The following PLEKHN1 variants were observed in gnomAD, a reference collection of about 807,000 sequenced individuals.
The protein encoded by PLEKHN1 is pleckstrin homology domain-containing family N member 1.
In PLEKHN1, 68 loss-of-function variants were observed where a neutral mutation model predicts 72.8. That is an observed-to-expected ratio of 0.93 (90% CI 0.77 to 1.14). The LOEUF (loss-of-function observed/expected upper bound fraction) is 1.14, where lower values mean the gene tolerates loss of function less well. Among genes scored for constraint, PLEKHN1 ranks in the 50% most tolerant of loss-of-function variants. PLEKHN1 has a pLI of 0.00. For missense variants in PLEKHN1, 1,015 were observed against 840.5 expected (o/e 1.21, Z -2.57); for synonymous variants, 454 against 371.6 (o/e 1.22, Z -2.55).
chr1:971,114 G>T lies in PLEKHN1; in HGVS notation c.614G>T (p.Arg205Leu). 6.3e-7 allele frequency: 1 copy of T among 1,595,474 alleles called. No individual in the cohort carries two copies. ...PRRCHSAPPQ[R>L]RLTRLRTASG... ...GACGAACTCCCCTGGACTTTGCAGCGCCGTCTAACCCGGCTGCGGACGGCG... is the reference window on the plus strand; with the variant it reads ...GACGAACTCCCCTGGACTTTGCAGCTCCGTCTAACCCGGCTGCGGACGGCG... Residue 205 changes from arginine to leucine, a missense_variant and splice_region_variant, in exon 7 of 16, where the codon CGC (arginine) becomes CTC (leucine). By Grantham distance (102) the Arg-to-Leu change is moderately radical (BLOSUM62 -2). Coordinates refer to ENST00000379410, the MANE Select transcript of PLEKHN1 (RefSeq NM_032129.3).
Position 970,602 on chromosome 1 carries a change from G to A in PLEKHN1, c.411+1G>A. ...CGGCTCGGAAGGACTCACATTTCAGGTGAGGCGGTGGGCAATGGGGTGGGG... is the reference window on the plus strand; with the variant it reads ...CGGCTCGGAAGGACTCACATTTCAGATGAGGCGGTGGGCAATGGGGTGGGG... On this transcript the variant is annotated splice_donor_variant, in intron 4 of 15. Transcript: ENST00000379410. LOFTEE classifies it high-confidence loss of function. This position sits in a 1 kb window ranked among gnomAD's most constrained non-coding sequence, Gnocchi z 4.2. 2 of 1,612,206 alleles carry A rather than the reference G, an allele frequency of 1.2e-6. No homozygotes were observed. The highest frequency in any genetic ancestry group is 1.7e-6 in the Non-Finnish European group (2 of 1,179,610).
intron 10 of PLEKHN1, 122 bp from the exon 11 acceptor site, chr1:972,739 C>T: frequency 2.4e-6 from 3 of 1,275,164 alleles, no homozygotes; most frequent in Non-Finnish European, 3.1e-6. Context: ...GTACTGCAGC[C>T]TGGGCGACAG....
In PLEKHN1 at chr1:972,472, AAG is replaced by A. The variant is rs1643390403; in HGVS notation, c.1002+49_1002+50del. 3 of 1,504,452 alleles carry A rather than the reference AAG, an allele frequency of 2.0e-6. No individual in the cohort carries two copies. The African/African-American group carries it at 4.2e-5, about 21-fold the overall frequency. 93.2% of individuals were successfully genotyped at this position (1,504,452 alleles called of 1,614,324 possible). ...AGCCCAGGTCCTGGGCAGTGGTAAA[AAG>A]GGGGCAGCAGACCGGGCGTGGTGGC... On this transcript the variant is annotated intron_variant, in intron 10 of 15. Coordinates refer to ENST00000379410, the MANE Select transcript of PLEKHN1 (RefSeq NM_032129.3).
chr1:966,543 C>A lies in PLEKHN1; in HGVS notation c.12C>A (p.Ser4Arg), dbSNP rs149741186. The A allele has an allele frequency of 2.3e-3, 3,652 of 1,608,304 alleles. 50 individuals carry two copies. In the African/African-American group the frequency reaches 0.036, roughly 16 times the overall value. The stretch of plus-strand genomic sequence containing the variant: ...GTACGACTCTGGCCATGGGGAACAG[C>A]CACTGTGTCCCTCAGGCCCCCAGGA... MGN[S>R]HCVPQAPRRL... Residue 4 changes from serine to arginine, a missense_variant, in exon 1 of 16, where the codon AGC becomes AGA. Transcript: ENST00000379410.
rs1401554526 is a variant in PLEKHN1 at position 970,351 on chromosome 1, G to C, written c.258G>C (p.Arg86=). ...PFLSVFKKGR[R]RVPVRNLGKV... Reference sequence around the variant, plus strand: ...TGAGTGTGTTCAAGAAGGGGCGGCGGAGGGTGCCTGTGAGGAACCTGGGAA... The same window carrying C: ...TGAGTGTGTTCAAGAAGGGGCGGCGCAGGGTGCCTGTGAGGAACCTGGGAA... Residue 86 remains arginine (R), a synonymous_variant, in exon 3 of 16, where the codon CGG becomes CGC. Transcript: ENST00000379410. The surrounding 1 kb of genome is among the most constrained non-coding windows in gnomAD (Gnocchi z 4.2). 6.2e-7 allele frequency: 1 copy of C among 1,613,580 alleles called. No homozygotes were observed. Among genetic ancestry groups the C allele is most frequent in the East Asian group, 2.2e-5 (1 of 44,880 alleles).
In PLEKHN1 at chr1:972,107, C is replaced by G; in HGVS notation, c.822C>G (p.Asn274Lys). ...GELPLRAVHINLEEKEKQIRS... is the reference protein window; with the variant it reads ...GELPLRAVHIKLEEKEKQIRS... ...TCCCACTCCGTGCCGTCCACATCAACCTGGAGGAGAAGGAGAAGCAGATCC... is the reference window on the plus strand; with the variant it reads ...TCCCACTCCGTGCCGTCCACATCAAGCTGGAGGAGAAGGAGAAGCAGATCC... Residue 274 changes from asparagine to lysine, a missense_variant, in exon 9 of 16, where the codon AAC (asparagine) becomes AAG (lysine). Asn to Lys is a moderately conservative substitution (Grantham distance 94). Transcript: ENST00000379410. 2 of 1,613,154 alleles carry G rather than the reference C, an allele frequency of 1.2e-6. No homozygotes were observed. Among genetic ancestry groups the G allele is most frequent in the Non-Finnish European group, 1.7e-6 (2 of 1,179,918 alleles).
rs142302108 is a variant in PLEKHN1, at chr1:973,528, C to G, written c.1322C>G (p.Pro441Arg). ...CACAGGCTGAGCCTGGAGAGCAGCC[C>G]AGATGCCCCTGACCACACTTCGGAA... ...QLHRLSLESS[P>R]DAPDHTSETS... is the part of the protein sequence containing the mutation. The change falls in exon 13 of 16, where the codon CCA (proline) becomes CGA (arginine). Residue 441 changes from proline to arginine, a missense_variant. Coordinates refer to ENST00000379410, the MANE Select transcript of PLEKHN1 (RefSeq NM_032129.3). 6.2e-7 allele frequency: 1 copy of G among 1,613,116 alleles called. No individual in the cohort carries two copies. The highest frequency in any genetic ancestry group is 1.3e-5 in the African/African-American group (1 of 74,914).
In PLEKHN1 at chr1:970,783, C is replaced by T. The variant is rs530366431; in HGVS notation, c.484+25C>T. 3.1e-6 allele frequency: 5 copies of T among 1,612,732 alleles called. No individual in the cohort carries two copies. Among genetic ancestry groups the T allele is most frequent in the East Asian group, 2.2e-5 (1 of 44,880 alleles). Reference sequence around the variant, plus strand: ...GGTGTTTGGGATGCTTCCCGGGCCCCCAGAGGCACTCCTGACCCAGGACTT... The same window carrying T: ...GGTGTTTGGGATGCTTCCCGGGCCCTCAGAGGCACTCCTGACCCAGGACTT... On this transcript the variant is annotated intron_variant, in intron 5 of 15. Coordinates refer to ENST00000379410, the MANE Select transcript of PLEKHN1 (RefSeq NM_032129.3). This position sits in a 1 kb window ranked among gnomAD's most constrained non-coding sequence, Gnocchi z 4.2.
At chr1:972,223 A>C in intron 9 of PLEKHN1, 65 bp from the exon 10 acceptor site, 1 of 1,597,554 alleles carries the variant, frequency 6.3e-7, no homozygotes, top group African/African-American at 1.4e-5. Context: ...GGGACGCCCG[A>C]CTCTTTAGTG....
chr1:966,736 C>T lies in PLEKHN1; in HGVS notation c.116C>T (p.Pro39Leu), dbSNP rs199941754. 1.8e-4 allele frequency: 282 copies of T among 1,574,572 alleles called. 1 individual carries two copies. In the African/African-American group the frequency reaches 2.9e-3, roughly 16 times the overall value. Reference sequence around the variant, plus strand: ...AGCGCGCGGATGTCGGCCGGCCTGCCGGGCCCCGAGGCTGCTCGAAGCGGG... The same window carrying T: ...AGCGCGCGGATGTCGGCCGGCCTGCTGGGCCCCGAGGCTGCTCGAAGCGGG... ...EDSARMSAGLPGPEAARSGDA... is the reference protein window; with the variant it reads ...EDSARMSAGLLGPEAARSGDA... Residue 39 changes from proline (P) to leucine (L), a missense_variant, in exon 2 of 16, where the codon CCG becomes CTG. Transcript: ENST00000379410.
rs1570035984 is a variant in PLEKHN1 at position 971,303 on chromosome 1, A to AC, written c.709-17dup. 7 of 1,495,448 alleles carry AC rather than the reference A, an allele frequency of 4.7e-6. No homozygotes were observed. The Admixed American group carries it at 5.6e-5, about 12-fold the overall frequency. The allele number at this position is 1,495,448 out of a possible 1,614,324, so 92.6% of individuals were successfully genotyped here. A position where few individuals can be genotyped will look rare whatever the true frequency, so the allele number is the denominator to read the frequency against. On this transcript the variant is annotated intron_variant, in intron 7 of 15. Coordinates refer to ENST00000379410, the MANE Select transcript of PLEKHN1 (RefSeq NM_032129.3). ...AGCAGCTCAGTTCCCTCATCGCCTG[A>AC]CCCCACCCCCACCCACCCAGGAGCA...
chr1:971,317 C>T lies in PLEKHN1; in HGVS notation c.709-7C>T. ...CTCATCGCCTGACCCCACCCCCACC[C>T]ACCCAGGAGCAGTGGGACCGGCTCT... On this transcript the variant is annotated splice_region_variant and splice_polypyrimidine_tract_variant and intron_variant, in intron 7 of 15. Transcript: ENST00000379410. 6.4e-7 allele frequency: 1 copy of T among 1,568,546 alleles called. No individual in the cohort carries two copies. Among genetic ancestry groups the T allele is most frequent in the Non-Finnish European group, 8.6e-7 (1 of 1,157,030 alleles).
chr1:969,435 A>G (rs898698904), intron 2 of PLEKHN1, among the ~76,000 whole-genome samples: 2 of 151,472 alleles, frequency 1.3e-5, no homozygotes, highest in African/African-American at 4.9e-5. Flanking sequence ...GTGTTGGTGT[A>G]TTTGTGTGTG....
At chr1:973,059 G>A (rs1643422151) in intron 11 of PLEKHN1, 49 bp downstream of exon 11, 1 of 1,560,614 alleles carries the variant, frequency 6.4e-7, no homozygotes, top group Admixed American at 1.8e-5. Context: ...AGGCTGTCGG[G>A]TAGGTGTGTG....
At chr1:971,504 A>T in intron 8 of PLEKHN1, 100 bp downstream of exon 8, 1 of 1,177,564 alleles carries the variant, frequency 8.5e-7, no homozygotes, top group East Asian at 2.6e-5. Context: ...GGGCTTGTTG[A>T]GACAGAGCGC....
chr1:968,328 C>T (rs953002647), intron 2 of PLEKHN1, among the ~76,000 whole-genome samples: 1 of 152,262 alleles, frequency 6.6e-6, no homozygotes, highest in African/African-American at 2.4e-5. Context: ...AGGACACCTT[C>T]CCACTTGGCC....
chr1:973,785 G>A (rs1257688807), intron 13 of PLEKHN1, 48 bp from the exon 14 acceptor site: 2 of 1,583,722 alleles, frequency 1.3e-6, no homozygotes, highest in East Asian at 2.2e-5. Context: ...TTGAGGTTCT[G>A]GGGGCCCCTG....
chr1:969,755 T>C (rs1204556130), intron 2 of PLEKHN1, among the ~76,000 whole-genome samples: 1 of 151,608 alleles, frequency 6.6e-6, no homozygotes, highest in Non-Finnish European at 1.5e-5. Flanking sequence ...CATGTATGTG[T>C]CTATTGTGTG....
In PLEKHN1 at chr1:970,320, C is replaced by G. The variant is rs759355675; in HGVS notation, c.227C>G (p.Pro76Arg). The G allele has an allele frequency of 3.0e-5, 49 of 1,613,390 alleles. No homozygotes were observed. In the South Asian group the frequency reaches 4.4e-4, roughly 14 times the overall value. The change falls in exon 3 of 16, where the codon CCA (proline) becomes CGA (arginine). Residue 76 changes from proline (P) to arginine (R), a missense_variant. Coordinates refer to ENST00000379410, the MANE Select transcript of PLEKHN1 (RefSeq NM_032129.3). The surrounding 1 kb of genome is among the most constrained non-coding windows in gnomAD (Gnocchi z 4.2). ...LENQRENLEQ[P>R]FLSVFKKGRR... Reference sequence around the variant, plus strand: ...AACCAGCGAGAAAACCTGGAGCAGCCATTCCTGAGTGTGTTCAAGAAGGGG... The same window carrying G: ...AACCAGCGAGAAAACCTGGAGCAGCGATTCCTGAGTGTGTTCAAGAAGGGG...
Sources: allele counts gnomAD v4.1 joint callset (sites outside exome capture counted in the v4.1 genomes callset), GRCh38; gene constraint gnomAD v4.1.1; non-coding constraint Gnocchi (gnomAD v3.1); transcripts MANE v1.5; gene names NCBI Gene and HGNC (gene_info 2026-07-23, HGNC 2026-07-21).